The following ELOVL5 variants were observed in gnomAD, a reference collection of about 807,000 sequenced individuals.
ELOVL5 encodes ELOVL fatty acid elongase 5.
Under a neutral mutation model 38.6 loss-of-function variants are expected in ELOVL5, and 8 were observed. The ratio of observed to expected loss-of-function variants is 0.21; its 90% CI spans 0.12 to 0.37. The LOEUF (loss-of-function observed/expected upper bound fraction) is 0.37, where lower values mean the gene tolerates loss of function less well. ELOVL5 is among the 10% of genes least tolerant of loss of function. ELOVL5 has a pLI of 1.00. For synonymous variants in ELOVL5, 127 were observed against 133.7 expected (o/e 0.95, Z 0.34); for missense variants, 280 against 367.8 (o/e 0.76, Z 1.95).
chr6:53,321,528 T>C (rs1379263889), intron 1 of ELOVL5, among the ~76,000 whole-genome samples: 1 of 152,210 alleles, frequency 6.6e-6, no homozygotes, highest in Non-Finnish European at 1.5e-5. Context: ...TGGGTGAGAC[T>C]CCCAGAAATT....
chr6:53,301,968 A>T (rs1581951430), intron 1 of ELOVL5, among the ~76,000 whole-genome samples: 1 of 152,278 alleles, frequency 6.6e-6, no homozygotes, highest in African/African-American at 2.4e-5. Flanking sequence ...GAGGGAGTTC[A>T]GCACACCTTC....
chr6:53,287,316 G>T (rs1393057982), intron 3 of ELOVL5, among the ~76,000 whole-genome samples: 1 of 152,132 alleles, frequency 6.6e-6, no homozygotes, highest in South Asian at 2.1e-4. Context: ...TAAATAACTT[G>T]AAAATGTGGT....
At chr6:53,322,524 T>C (rs946914447) in intron 1 of ELOVL5, among the ~76,000 whole-genome samples, 1 of 152,236 alleles carries the variant, frequency 6.6e-6, no homozygotes, top group Non-Finnish European at 1.5e-5. Flanking sequence ...TTCATACTCA[T>C]GTCACAGGAC....
intron 1 of ELOVL5, among the ~76,000 whole-genome samples, chr6:53,311,128 T>C (rs886859742): frequency 7.2e-5 from 11 of 151,952 alleles, no homozygotes; most frequent in Non-Finnish European, 1.3e-4. Context: ...GCAGGAGAGG[T>C]AGGCAGTTAC....
chr6:53,275,869 T>C (rs963431739), intron 4 of ELOVL5, among the ~76,000 whole-genome samples: 4 of 152,214 alleles, frequency 2.6e-5, no homozygotes, highest in African/African-American at 9.6e-5. Flanking sequence ...CTTGGATGAA[T>C]GATTTTAAAA....
In ELOVL5 at chr6:53,312,753, C is replaced by T. The variant is rs552501180; in HGVS notation, c.-8-17046G>A. Among the ~76,000 whole-genome samples, 20 of 152,288 alleles carry T rather than the reference C, an allele frequency of 1.3e-4. No homozygotes were observed. In the East Asian group the frequency reaches 3.1e-3, roughly 23 times the overall value. On this transcript the variant is annotated intron_variant, in intron 1 of 7. Transcript: ENST00000304434. Reference sequence around the variant, plus strand: ...AAGTTCAATTTTTTAAAAAAATCTACGACCATGAGAAAAACAAACTAGGCT... The same window carrying T: ...AAGTTCAATTTTTTAAAAAAATCTATGACCATGAGAAAAACAAACTAGGCT...
At chr6:53,301,163 C>A (rs1767233007) in intron 1 of ELOVL5, among the ~76,000 whole-genome samples, 1 of 152,138 alleles carries the variant, frequency 6.6e-6, no homozygotes, top group South Asian at 2.1e-4. Flanking sequence ...ACGGCATGAC[C>A]TACTTTGCAC....
chr6:53,341,961 A>T (rs1769350282), intron 1 of ELOVL5, among the ~76,000 whole-genome samples: 2 of 152,200 alleles, frequency 1.3e-5, no homozygotes, highest in African/African-American at 4.8e-5. Context: ...TACCTGCTGA[A>T]GCCCACGCAG....
At chr6:53,348,104 GCCC>G (rs1304184663) in intron 1 of ELOVL5, among the ~76,000 whole-genome samples, 1 of 151,104 alleles carries the variant, frequency 6.6e-6, no homozygotes, top group Non-Finnish European at 1.5e-5. Flanking sequence ...CGCCCCGGTC[GCCC>G]CCGAGTCCCC....
chr6:53,316,194 G>A (rs906341900), intron 1 of ELOVL5, among the ~76,000 whole-genome samples: 1 of 152,156 alleles, frequency 6.6e-6, no homozygotes, highest in African/African-American at 2.4e-5. Flanking sequence ...ACTGTCACAG[G>A]CACTGGAGAC....
chr6:53,305,453 A>T (rs1217823787), intron 1 of ELOVL5, among the ~76,000 whole-genome samples: 2 of 130,916 alleles, frequency 1.5e-5, no homozygotes, highest in African/African-American at 2.9e-5. Context: ...ACGGGGTGGC[A>T]GCCGGGCGGA....
chr6:53,289,810 T>C (rs1561869587), intron 3 of ELOVL5, among the ~76,000 whole-genome samples: 2 of 152,196 alleles, frequency 1.3e-5, no homozygotes, highest in Admixed American at 1.3e-4. Context: ...GGTTTTACAA[T>C]ATGTACAGGA....
chr6:53,332,980 C>T (rs1050350305), intron 1 of ELOVL5, among the ~76,000 whole-genome samples: 3 of 152,110 alleles, frequency 2.0e-5, no homozygotes, highest in African/African-American at 7.2e-5. Flanking sequence ...AGCAGGTCAG[C>T]AAGGGGGAGA....
At position 53,268,353 on chromosome 6, in the gene ELOVL5, C is replaced by G. The variant is rs1477388187; in HGVS notation, c.*774G>C. ...AGAAATTAAAAATGGCCTACTCACC[C>G]TACACCCTTCCTAAAATCTCGAGGA... On this transcript the variant is annotated 3_prime_UTR_variant, in exon 8 of 8. Transcript: ENST00000304434. The G allele has an allele frequency of 6.6e-6, 1 of 152,164 alleles. No homozygotes were observed. Among genetic ancestry groups the G allele is most frequent in the Non-Finnish European group, 1.5e-5 (1 of 68,036 alleles). The allele number at this position is 152,164 out of a possible 1,614,324, so 9.4% of individuals were successfully genotyped here.
intron 1 of ELOVL5, among the ~76,000 whole-genome samples, chr6:53,333,759 G>A (rs151123649): frequency 9.8e-4 from 149 of 152,268 alleles, no homozygotes; most frequent in African/African-American, 3.3e-3. Flanking sequence ...GTTTTCATGT[G>A]TGGTTTATGG....
At position 53,277,938 on chromosome 6, in the gene ELOVL5, G is replaced by T. The variant is rs115854189; in HGVS notation, c.247-1682C>A. 2.9e-3 allele frequency among the ~76,000 whole-genome samples: 435 copies of T among 152,274 alleles called. 1 individual carries two copies. The highest frequency in any genetic ancestry group is 0.01 in the African/African-American group (420 of 41,554). ...GGCTTGAGGGTACAGAAAGGAAACT[G>T]GTGCTTCTTGATGAAATGTTTGTGG... On this transcript the variant is annotated intron_variant, in intron 3 of 7. Coordinates refer to ENST00000304434, the MANE Select transcript of ELOVL5 (RefSeq NM_021814.5).
intron 1 of ELOVL5, among the ~76,000 whole-genome samples, chr6:53,306,900 T>C (rs1341259800): frequency 2.0e-5 from 3 of 152,210 alleles, no homozygotes; most frequent in African/African-American, 7.2e-5. Flanking sequence ...ATTGCTGCAG[T>C]TGGACTTAGA....
At chr6:53,344,824 T>G (rs1258816162) in intron 1 of ELOVL5, among the ~76,000 whole-genome samples, 1 of 152,230 alleles carries the variant, frequency 6.6e-6, no homozygotes, top group African/African-American at 2.4e-5. Context: ...CACACTCGCT[T>G]ACTCTCCAAA....
chr6:53,339,101 G>C (rs181491590), intron 1 of ELOVL5, among the ~76,000 whole-genome samples: 1 of 152,272 alleles, frequency 6.6e-6, no homozygotes, highest in South Asian at 2.1e-4. Context: ...TGAGGAGAGG[G>C]AGAAGCAAAG....
Sources: gnomAD v4.1 joint callset for allele counts (sites outside exome capture counted in the v4.1 genomes callset) on GRCh38, gnomAD v4.1.1 for gene constraint, MANE v1.5 for transcripts, NCBI Gene and HGNC (gene_info 2026-07-23, HGNC 2026-07-21) for gene names.